The following SLC10A7 variants were observed in gnomAD, a reference collection of about 807,000 sequenced individuals.
SLC10A7 encodes sodium/bile acid cotransporter 7.
Under a neutral mutation model 43.2 loss-of-function variants are expected in SLC10A7, and 29 were observed. The ratio of observed to expected loss-of-function variants is 0.67; its 90% CI spans 0.50 to 0.92. The LOEUF (loss-of-function observed/expected upper bound fraction) is 0.92. SLC10A7 is among the 40% of genes least tolerant of loss of function. The pLI is 0.00. For synonymous variants in SLC10A7, 152 were observed against 144.8 expected (o/e 1.05, Z -0.35); for missense variants, 295 against 403.2 (o/e 0.73, Z 2.30).
chr4:146,288,941 G>T (rs1730219864), intron 9 of SLC10A7, among the ~76,000 whole-genome samples: 2 of 151,708 alleles, frequency 1.3e-5, no homozygotes, highest in Admixed American at 6.6e-5. Flanking sequence ...TGTTTATTTT[G>T]CCTTCCTTTG....
Position 146,412,786 on chromosome 4 carries a change from T to C in SLC10A7, c.435+29997A>G, listed in dbSNP as rs575970037. 1.1e-4 allele frequency among the ~76,000 whole-genome samples: 17 copies of C among 152,204 alleles called. No homozygotes were observed. The South Asian group carries it at 2.3e-3, about 20-fold the overall frequency. On this transcript the variant is annotated intron_variant, in intron 5 of 11. Transcript: ENST00000335472. ...TTGGGGGAGAAGAACTAGAACAAAA[T>C]TGAACTATCTATTGTTCTTACTTAC...
intron 6 of SLC10A7, among the ~76,000 whole-genome samples, chr4:146,325,382 T>C (rs1029086535): frequency 6.6e-6 from 1 of 152,222 alleles, no homozygotes; most frequent in African/African-American, 2.4e-5. Flanking sequence ...GCATTTCTTG[T>C]TTTCAGAACA....
chr4:146,378,957 C>T (rs985166009), intron 5 of SLC10A7, among the ~76,000 whole-genome samples: 2 of 151,982 alleles, frequency 1.3e-5, no homozygotes, highest in African/African-American at 4.8e-5. Flanking sequence ...ACCACCTGAG[C>T]CCCCATAATA....
rs535060744 is a variant in SLC10A7 at position 146,355,458 on chromosome 4, A to C, written c.436-29462T>G. 2.7e-3 allele frequency among the ~76,000 whole-genome samples: 414 copies of C among 152,188 alleles called. 9 individuals carry two copies. Among genetic ancestry groups the C allele is most frequent in the Admixed American group, 0.024 (361 of 15,298 alleles). The stretch of plus-strand genomic sequence containing the variant: ...TGTTGGTGGGACTGTAAACTAGTTC[A>C]ACCATTGTGGAAGTCAGTGTGGCGA... On this transcript the variant is annotated intron_variant, in intron 5 of 11. Transcript: ENST00000335472.
At chr4:146,469,884 G>A (rs912123313) in intron 4 of SLC10A7, among the ~76,000 whole-genome samples, 23 of 152,010 alleles carry the variant, frequency 1.5e-4, no homozygotes, top group African/African-American at 4.6e-4. Flanking sequence ...CTCCCGCCTC[G>A]GCCACCTCCC....
chr4:146,442,653 G>T, intron 5 of SLC10A7, 130 bp downstream of exon 5: 1 of 1,501,628 alleles, frequency 6.7e-7, no homozygotes, highest in South Asian at 1.3e-5. Flanking sequence ...ATGGATACTG[G>T]CACATGAAAA....
intron 6 of SLC10A7, among the ~76,000 whole-genome samples, chr4:146,317,430 A>C (rs1257622383): frequency 6.6e-6 from 1 of 152,146 alleles, no homozygotes; most frequent in Non-Finnish European, 1.5e-5. Flanking sequence ...AAACAAATTA[A>C]CAAATGATTA....
At chr4:146,394,589 T>C (rs540277191) in intron 5 of SLC10A7, among the ~76,000 whole-genome samples, 1 of 152,272 alleles carries the variant, frequency 6.6e-6, no homozygotes, top group African/African-American at 2.4e-5. Context: ...CTCGAACTCC[T>C]GAGCTCAGGC....
chr4:146,306,823 T>C (rs1731611265), intron 6 of SLC10A7, among the ~76,000 whole-genome samples: 1 of 152,202 alleles, frequency 6.6e-6, no homozygotes, highest in South Asian at 2.1e-4. Flanking sequence ...AAACAATAGA[T>C]GTTTTTCTCT....
chr4:146,283,489 G>A (rs1263467385), intron 9 of SLC10A7, among the ~76,000 whole-genome samples: 5 of 152,074 alleles, frequency 3.3e-5, no homozygotes, highest in Admixed American at 3.3e-4. Flanking sequence ...AATGTGTGGT[G>A]GAGGTCGCCT....
intron 7 of SLC10A7, among the ~76,000 whole-genome samples, chr4:146,295,275 C>A (rs1340515508): frequency 6.6e-6 from 1 of 151,902 alleles, no homozygotes; most frequent in East Asian, 1.9e-4. Context: ...CCAGCTGGTA[C>A]CAGGTACAGG....
intron 5 of SLC10A7, among the ~76,000 whole-genome samples, chr4:146,376,175 T>A (rs1737184495): frequency 6.6e-6 from 1 of 152,116 alleles, no homozygotes; most frequent in African/African-American, 2.4e-5. Flanking sequence ...ATATTCAGCC[T>A]CATCCTGAGG....
intron 7 of SLC10A7, among the ~76,000 whole-genome samples, chr4:146,295,201 C>T (rs1730696546): frequency 6.6e-6 from 1 of 152,160 alleles, no homozygotes; most frequent in Admixed American, 6.5e-5. Context: ...TCAACTTCAA[C>T]TGTTCTCAGG....
At chr4:146,339,095 T>C (rs1198804486) in intron 5 of SLC10A7, among the ~76,000 whole-genome samples, 1 of 151,992 alleles carries the variant, frequency 6.6e-6, no homozygotes, top group Non-Finnish European at 1.5e-5. Context: ...TGTAGGCTCC[T>C]GGATGTTAAA....
chr4:146,449,953 T>A (rs1229294653), intron 4 of SLC10A7, among the ~76,000 whole-genome samples: 3 of 152,102 alleles, frequency 2.0e-5, no homozygotes, highest in Non-Finnish European at 4.4e-5. Flanking sequence ...ACCATGAGAT[T>A]GACAGAGATG....
At chr4:146,350,783 A>C (rs1735026581) in intron 5 of SLC10A7, among the ~76,000 whole-genome samples, 1 of 103,098 alleles carries the variant, frequency 9.7e-6, no homozygotes, top group Non-Finnish European at 1.9e-5. Context: ...CTGACACCTC[A>C]CACGGCAGGG....
At chr4:146,469,246 T>C (rs1733344627) in intron 4 of SLC10A7, among the ~76,000 whole-genome samples, 1 of 152,188 alleles carries the variant, frequency 6.6e-6, no homozygotes. Context: ...ATAGGGATGA[T>C]GTAATGAGGC....
intron 3 of SLC10A7, among the ~76,000 whole-genome samples, chr4:146,504,799 A>G (rs1227897936): frequency 2.0e-5 from 3 of 152,172 alleles, no homozygotes; most frequent in Non-Finnish European, 4.4e-5. Flanking sequence ...GGCATGACAC[A>G]ATCACATACT....
chr4:146,432,907 A>AG, intron 5 of SLC10A7, among the ~76,000 whole-genome samples: 1 of 151,676 alleles, frequency 6.6e-6, no homozygotes, highest in Non-Finnish European at 1.5e-5. Flanking sequence ...GCGTGGTGGT[A>AG]CGCGCCTGTA....
Sources: gnomAD v4.1 joint callset for allele counts (sites outside exome capture counted in the v4.1 genomes callset) on GRCh38, gnomAD v4.1.1 for gene constraint, MANE v1.5 for transcripts, NCBI Gene and HGNC (gene_info 2026-07-23, HGNC 2026-07-21) for gene names.